The following CSMD2 variants were observed in gnomAD, a reference collection of about 807,000 sequenced individuals.
CSMD2 encodes CUB and sushi domain-containing protein 2.
In CSMD2, 130 loss-of-function variants were observed where a neutral mutation model predicts 398.5. The ratio of observed to expected loss-of-function variants is 0.33; its 90% confidence interval spans 0.28 to 0.38. CSMD2 has a LOEUF of 0.38. Among genes scored for constraint, CSMD2 ranks in the 10% least tolerant of loss-of-function variants. The pLI is 1.00. For missense variants in CSMD2, 3,829 were observed against 4,764.9 expected, an observed-to-expected ratio of 0.80 and a Z score of 5.78; for synonymous variants, 1,828 against 1,908.5, an observed-to-expected ratio of 0.96 and a Z score of 1.10.
At chr1:33,772,897 G>A (rs1297369139) in intron 12 of CSMD2, 146 bp from the exon 13 acceptor site, 1 of 669,510 alleles carries the variant, frequency 1.5e-6, no homozygotes, top group Non-Finnish European at 2.5e-6. Flanking sequence ...GTTCTTATAA[G>A]GAATGAGGTT....
intron 5 of CSMD2, among the ~76,000 whole-genome samples, chr1:33,848,709 A>G (rs1638470709): frequency 6.6e-6 from 1 of 152,184 alleles, no homozygotes; most frequent in Non-Finnish European, 1.5e-5. Context: ...GGTAAAAACT[A>G]TTATAAAAAC....
intron 22 of CSMD2, among the ~76,000 whole-genome samples, chr1:33,707,559 G>T (rs1437261952): frequency 1.3e-5 from 2 of 152,242 alleles, no homozygotes; most frequent in East Asian, 3.9e-4. Flanking sequence ...AGAAGCCAAT[G>T]AGATTGTTCT....
chr1:33,768,502 C>T (rs1390329359), intron 13 of CSMD2, among the ~76,000 whole-genome samples: 2 of 151,420 alleles, frequency 1.3e-5, no homozygotes, highest in Non-Finnish European at 2.9e-5. Flanking sequence ...CTTGCAGATC[C>T]CATTACCCAA....
chr1:34,140,440 G>C (rs928034685), intron 1 of CSMD2, among the ~76,000 whole-genome samples: 9 of 152,122 alleles, frequency 5.9e-5, no homozygotes, highest in Non-Finnish European at 1.3e-4. Context: ...CAAATGTCTA[G>C]AGAACACCTG....
chr1:33,587,224 G>T, intron 44 of CSMD2, 56 bp from the exon 45 acceptor site: 1 of 1,256,792 alleles, frequency 8.0e-7, no homozygotes, highest in Non-Finnish European at 1.1e-6. Flanking sequence ...CAGGTACACC[G>T]TCATTCATTT....
At chr1:34,113,972 C>G (rs1391829205) in intron 1 of CSMD2, among the ~76,000 whole-genome samples, 1 of 152,126 alleles carries the variant, frequency 6.6e-6, no homozygotes. Context: ...GCAGAGGGAC[C>G]GGTTTCTGTC....
chr1:34,158,329 G>A (rs1050953494), intron 1 of CSMD2, among the ~76,000 whole-genome samples: 2 of 152,178 alleles, frequency 1.3e-5, no homozygotes, highest in Non-Finnish European at 2.9e-5. Flanking sequence ...GGTTCACCCC[G>A]ATGTTCCCCT....
chr1:33,822,734 T>C (rs1202536686), intron 7 of CSMD2, among the ~76,000 whole-genome samples: 2 of 152,098 alleles, frequency 1.3e-5, no homozygotes, highest in Non-Finnish European at 2.9e-5. Context: ...CGGAGATAAC[T>C]AGGGGGTCCT....
chr1:34,136,306 G>A (rs1253352229), intron 1 of CSMD2, among the ~76,000 whole-genome samples: 1 of 152,216 alleles, frequency 6.6e-6, no homozygotes, highest in Non-Finnish European at 1.5e-5. Flanking sequence ...TTTCCTTCCT[G>A]TGGGTTCAGC....
intron 44 of CSMD2, among the ~76,000 whole-genome samples, chr1:33,597,682 GA>G (rs1278531184): frequency 6.6e-6 from 1 of 152,196 alleles, no homozygotes; most frequent in East Asian, 1.9e-4. Context: ...CTGCTTCTAA[GA>G]TAAATTGAGC....
At position 33,540,657 on chromosome 1, in the gene CSMD2, C is replaced by G. The variant is rs1656241687; in HGVS notation, c.9499G>C (p.Val3167Leu). Reference sequence around the variant, plus strand: ...CCCCACATGAAGTCAGACCCCACCACCTTCCCATTGGGGATGAGCGGAGGT... The same window carrying G: ...CCCCACATGAAGTCAGACCCCACCAGCTTCCCATTGGGGATGAGCGGAGGT... ...KPPPLIPNGK[V>L]VGSDFMWGSS... The change falls in exon 60 of 71, where the codon GTG becomes CTG. Residue 3167 changes from valine (V) to leucine (L), a missense_variant. By Grantham distance (32) the Val-to-Leu change is conservative (BLOSUM62 1). Around this residue, in one of 5 missense-constraint regions of CSMD2, gnomAD observed 917 missense variants for 1,199.5 expected, o/e 0.76. Transcript: ENST00000373381. 1 of 1,614,224 alleles carries G rather than the reference C, an allele frequency of 6.2e-7. No individual in the cohort carries two copies. The highest frequency in any genetic ancestry group is 8.5e-7 in the Non-Finnish European group (1 of 1,180,038).
At chr1:33,589,545 CT>C (rs1231330080) in intron 44 of CSMD2, among the ~76,000 whole-genome samples, 1 of 152,146 alleles carries the variant, frequency 6.6e-6, no homozygotes, top group Non-Finnish European at 1.5e-5. Context: ...CGTTAATGGC[CT>C]ATTTGCATTT....
At chr1:33,581,454 G>A (rs1188027683) in intron 47 of CSMD2, among the ~76,000 whole-genome samples, 5 of 138,944 alleles carry the variant, frequency 3.6e-5, no homozygotes, top group East Asian at 2.2e-4. Flanking sequence ...CACGAGAATC[G>A]CTTGAACCCA....
In CSMD2 at chr1:34,118,182, C is replaced by G. The variant is rs532640058; in HGVS notation, c.188-28989G>C. On this transcript the variant is annotated intron_variant, in intron 1 of 70. Transcript: ENST00000373381. ...AGTGAGCCAAGATCATGCCATTGCACTTTAGCCCAGTCGACAGAGTGAGAC... is the reference window on the plus strand; with the variant it reads ...AGTGAGCCAAGATCATGCCATTGCAGTTTAGCCCAGTCGACAGAGTGAGAC... 4.6e-5 allele frequency among the ~76,000 whole-genome samples: 7 copies of G among 152,296 alleles called. 1 individual carries two copies. Among genetic ancestry groups the G allele is most frequent in the African/African-American group, 1.7e-4 (7 of 41,554 alleles).
intron 3 of CSMD2, among the ~76,000 whole-genome samples, chr1:33,971,627 C>T (rs1645767017): frequency 6.6e-6 from 1 of 152,340 alleles, no homozygotes; most frequent in Non-Finnish European, 1.5e-5. Context: ...CCCCGTGGAG[C>T]CCAGTGGCAA....
chr1:33,738,137 C>T (rs1646942636), intron 15 of CSMD2, among the ~76,000 whole-genome samples: 1 of 152,142 alleles, frequency 6.6e-6, no homozygotes, highest in Admixed American at 6.5e-5. Flanking sequence ...CCTTCCTGTT[C>T]ATGGCCACTA....
At chr1:33,944,307 G>A (rs574723258) in intron 3 of CSMD2, among the ~76,000 whole-genome samples, 2 of 152,216 alleles carry the variant, frequency 1.3e-5, no homozygotes, top group South Asian at 4.1e-4. Context: ...GGAAGGGACT[G>A]TGGGGCGAGT....
chr1:33,993,183 C>G (rs1646618263), intron 3 of CSMD2, among the ~76,000 whole-genome samples: 1 of 152,138 alleles, frequency 6.6e-6, no homozygotes, highest in South Asian at 2.1e-4. Flanking sequence ...GAAGGTTACG[C>G]ATCAATCCAT....
intron 1 of CSMD2, among the ~76,000 whole-genome samples, chr1:34,094,827 A>G (rs924984449): frequency 4.1e-4 from 62 of 151,556 alleles, no homozygotes; most frequent in African/African-American, 1.4e-3. Flanking sequence ...TTAACACCCC[A>G]CTGTCAACAT....
Sources: gnomAD v4.1 joint callset for allele counts (sites outside exome capture counted in the v4.1 genomes callset) on GRCh38, gnomAD v4.1.1 for gene constraint, gnomAD v4.1.1 regional missense constraint, MANE v1.5 for transcripts, NCBI Gene and HGNC (gene_info 2026-07-23, HGNC 2026-07-21) for gene names.